SLC14A2: variants seen among roughly 807,000 people sequenced by gnomAD.
SLC14A2 encodes urea transporter 2.
A neutral mutation model predicts 104.6 loss-of-function variants in SLC14A2; 91 were observed. The ratio of observed to expected loss-of-function variants is 0.87; its 90% CI spans 0.73 to 1.04. The LOEUF is 1.04. Ranked by LOEUF, SLC14A2 falls within the 50% of genes least tolerant of loss-of-function variation. The pLI is 0.00. For synonymous variants in SLC14A2, 476 were observed against 466.4 expected, an observed-to-expected ratio of 1.02 and a Z score of -0.27; for missense variants, 1,189 against 1,156.0, an observed-to-expected ratio of 1.03 and a Z score of -0.41.
At chr18:45,363,591 C>T (rs919016113) in intron 1 of SLC14A2, among the ~76,000 whole-genome samples, 5 of 152,128 alleles carry the variant, frequency 3.3e-5, no homozygotes, top group Non-Finnish European at 7.3e-5. Context: ...ATTGAAATGT[C>T]TTCTCACAGA....
At chr18:45,678,010 T>C (rs1404872487) in intron 18 of SLC14A2, among the ~76,000 whole-genome samples, 1 of 152,082 alleles carries the variant, frequency 6.6e-6, no homozygotes, top group Non-Finnish European at 1.5e-5. Context: ...GTAGAGATGG[T>C]ATCTTGCTTT....
intron 1 of SLC14A2, among the ~76,000 whole-genome samples, chr18:45,254,960 C>T (rs2084461149): frequency 6.6e-6 from 1 of 152,198 alleles, no homozygotes; most frequent in Non-Finnish European, 1.5e-5. Flanking sequence ...TGCACAGTGC[C>T]TGGCTGGCCT....
intron 1 of SLC14A2, among the ~76,000 whole-genome samples, chr18:45,466,034 C>T (rs754569109): frequency 2.6e-5 from 4 of 152,070 alleles, no homozygotes; most frequent in Non-Finnish European, 5.9e-5. Context: ...TTTTATCAGC[C>T]ATGCCCCACA....
intron 1 of SLC14A2, among the ~76,000 whole-genome samples, chr18:45,341,962 GT>G (rs1432320892): frequency 1.3e-5 from 2 of 152,194 alleles, no homozygotes; most frequent in East Asian, 3.9e-4. Context: ...GGCAAGCTTT[GT>G]TCAGCCTGGA....
At chr18:45,194,318 G>T in the SLC14A2 span, among the ~76,000 whole-genome samples, 2 of 152,128 alleles carry the variant, frequency 1.3e-5, no homozygotes, top group Non-Finnish European at 2.9e-5. Flanking sequence ...AGTAGTTAAG[G>T]TTAGTTGTCG....
intron 1 of SLC14A2, among the ~76,000 whole-genome samples, chr18:45,282,404 A>G (rs922294045): frequency 2.6e-5 from 4 of 152,264 alleles, no homozygotes; most frequent in South Asian, 4.1e-4. Flanking sequence ...TCCCTGATCT[A>G]TGATGGGCTC....
the SLC14A2 span, among the ~76,000 whole-genome samples, chr18:45,207,974 G>T: frequency 2.0e-5 from 3 of 152,136 alleles, no homozygotes; most frequent in South Asian, 6.2e-4. Context: ...TACTCAGGAA[G>T]TTAAGGGGAT....
intron 1 of SLC14A2, among the ~76,000 whole-genome samples, chr18:45,406,490 A>T (rs1242671581): frequency 1.3e-5 from 2 of 152,206 alleles, no homozygotes; most frequent in African/African-American, 4.8e-5. Flanking sequence ...TAATGTTGTA[A>T]TTTTGGCCTC....
At chr18:45,390,229 A>G (rs2085945612) in intron 1 of SLC14A2, among the ~76,000 whole-genome samples, 1 of 152,194 alleles carries the variant, frequency 6.6e-6, no homozygotes, top group Non-Finnish European at 1.5e-5. Flanking sequence ...AGGTGGTACC[A>G]ACAGGAGACC....
At chr18:45,226,670 G>T (rs549814208) in intron 1 of SLC14A2, among the ~76,000 whole-genome samples, 1 of 136,936 alleles carries the variant, frequency 7.3e-6, no homozygotes, top group South Asian at 2.8e-4. Flanking sequence ...GGCCTGTTGG[G>T]TGGGGGGAGG....
chr18:45,287,062 C>G (rs764376924), intron 1 of SLC14A2, among the ~76,000 whole-genome samples: 1 of 152,190 alleles, frequency 6.6e-6, no homozygotes, highest in Non-Finnish European at 1.5e-5. Context: ...GCCATTTGCA[C>G]ATTGTCTCAT....
intron 2 of SLC14A2, among the ~76,000 whole-genome samples, chr18:45,588,903 C>T (rs889897614): frequency 6.6e-6 from 1 of 150,950 alleles, no homozygotes; most frequent in Non-Finnish European, 1.5e-5. Context: ...AAGGGAGTTA[C>T]AGGGAGAGGT....
chr18:45,598,458 C>T (rs547123793), intron 2 of SLC14A2, among the ~76,000 whole-genome samples: 97 of 152,052 alleles, frequency 6.4e-4, no homozygotes, highest in African/African-American at 1.3e-3. Flanking sequence ...TTATGACTGG[C>T]GAGGGTCCTA....
At chr18:45,428,686 G>A (rs79074568) in intron 1 of SLC14A2, among the ~76,000 whole-genome samples, 9 of 152,226 alleles carry the variant, frequency 5.9e-5, no homozygotes, top group Non-Finnish European at 1.0e-4. Context: ...GGGTAGAGAG[G>A]TGAGCAGAAG....
chr18:45,221,409 C>T (rs1167986778), intron 1 of SLC14A2, among the ~76,000 whole-genome samples: 4 of 152,146 alleles, frequency 2.6e-5, no homozygotes, highest in African/African-American at 9.7e-5. Context: ...TATCTTGCAT[C>T]CTGTGGTCTC....
rs530681954 is a variant in SLC14A2, at chr18:45,402,177, A to G, written c.-124-81056A>G. On this transcript the variant is annotated intron_variant, in intron 1 of 20. Coordinates refer to the SLC14A2 transcript ENST00000586448. Reference sequence around the variant, plus strand: ...ACTGGGCACTGTCAGGGGAACCCCCAGAAAGTCCAGGAATGAGGAATCATA... The same window carrying G: ...ACTGGGCACTGTCAGGGGAACCCCCGGAAAGTCCAGGAATGAGGAATCATA... Among the ~76,000 whole-genome samples, 4 of 152,302 alleles carry G rather than the reference A, an allele frequency of 2.6e-5. No homozygotes were observed. The South Asian group carries it at 8.3e-4, about 32-fold the overall frequency.
At position 45,500,504 on chromosome 18, in the gene SLC14A2, G is replaced by A. The variant is rs549332305; in HGVS notation, c.-35+17182G>A. On this transcript the variant is annotated intron_variant, in intron 2 of 20. Coordinates refer to the SLC14A2 transcript ENST00000586448. ...AGGCAGGAGAATGGCGTGAACCCGG[G>A]AGGCGGAGCTTGCAGTGAGCCGAGA... Among the ~76,000 whole-genome samples, 8 of 150,180 alleles carry A rather than the reference G, an allele frequency of 5.3e-5. No individual in the cohort carries two copies. The South Asian group carries it at 1.7e-3, about 32-fold the overall frequency.
chr18:45,533,813 C>T (rs1444795009), intron 2 of SLC14A2, among the ~76,000 whole-genome samples: 1 of 152,072 alleles, frequency 6.6e-6, no homozygotes, highest in East Asian at 1.9e-4. Context: ...TTAGATCTTT[C>T]CTGCTTTCTC....
intron 10 of SLC14A2, among the ~76,000 whole-genome samples, chr18:45,651,135 A>G (rs1479351824): frequency 6.6e-6 from 1 of 152,162 alleles, no homozygotes; most frequent in Non-Finnish European, 1.5e-5. Context: ...GTTCAACTGT[A>G]AACAGTCCTG....
Sources: gnomAD v4.1 joint callset for allele counts (sites outside exome capture counted in the v4.1 genomes callset) on GRCh38, gnomAD v4.1.1 for gene constraint, MANE v1.5 for transcripts, NCBI Gene and HGNC (gene_info 2026-07-23, HGNC 2026-07-21) for gene names.